NCOA2: variants seen among roughly 807,000 people sequenced by gnomAD.
The protein encoded by NCOA2 is class E basic helix-loop-helix protein 75.
A neutral mutation model predicts 145.1 loss-of-function variants in NCOA2; 21 were observed. That is an observed-to-expected ratio of 0.14 (90% confidence interval 0.10 to 0.21). NCOA2 has a LOEUF of 0.21. NCOA2 is among the 10% of genes least tolerant of loss of function. The probability of loss-of-function intolerance (pLI) is 1.00; values close to 1 mark genes in which losing one functional copy is unlikely to be tolerated. For synonymous variants in NCOA2, 619 were observed against 637.5 expected, an observed-to-expected ratio of 0.97 and a Z score of 0.44; for missense variants, 1,472 against 1,837.6, an observed-to-expected ratio of 0.80 and a Z score of 3.64.
intron 6 of NCOA2, among the ~76,000 whole-genome samples, chr8:70,168,068 T>C (rs537112816): frequency 2.6e-5 from 4 of 152,260 alleles, no homozygotes; most frequent in African/African-American, 9.6e-5. Flanking sequence ...AGAAAACTAA[T>C]ATATTCTCCA....
chr8:70,139,026 C>T (rs553754869), intron 14 of NCOA2, among the ~76,000 whole-genome samples: 2 of 152,364 alleles, frequency 1.3e-5, no homozygotes, highest in African/African-American at 4.8e-5. Flanking sequence ...AGACTGCTGG[C>T]TCCTGAACGT....
the NCOA2 span, among the ~76,000 whole-genome samples, chr8:70,433,655 G>C: frequency 6.6e-6 from 1 of 152,196 alleles, no homozygotes; most frequent in African/African-American, 2.4e-5. Flanking sequence ...GAAGTGATAA[G>C]ACTGTGAATT....
At chr8:70,189,804 T>C (rs1816481499) in intron 4 of NCOA2, among the ~76,000 whole-genome samples, 2 of 152,258 alleles carry the variant, frequency 1.3e-5, no homozygotes, top group Middle Eastern at 3.4e-3. Context: ...TAGGGATTTA[T>C]GAACAAAAGA....
chr8:70,222,600 T>A (rs927025806), intron 2 of NCOA2, among the ~76,000 whole-genome samples: 5 of 152,210 alleles, frequency 3.3e-5, no homozygotes, highest in African/African-American at 1.2e-4. Flanking sequence ...ACTCATGAAT[T>A]TTTTAGCTGA....
chr8:70,369,302 T>C lies in NCOA2; in HGVS notation c.-77+34398A>G, dbSNP rs546800766. ...TTAAGGAAGGCTGTAGTACAATTGG[T>C]TCTTTTATAAAATTGAGAGACACCA... is the stretch of plus-strand genomic sequence containing the variant. On this transcript the variant is annotated intron_variant, in intron 1 of 22. Coordinates refer to ENST00000452400, the MANE Select transcript of NCOA2 (RefSeq NM_006540.4). Among the ~76,000 whole-genome samples, 8 of 152,356 alleles carry C rather than the reference T, an allele frequency of 5.3e-5. No individual in the cohort carries two copies. The East Asian group carries it at 1.5e-3, about 29-fold the overall frequency.
chr8:70,155,924 G>C, intron 11 of NCOA2, 47 bp downstream of exon 11: 4 of 1,444,932 alleles, frequency 2.8e-6, no homozygotes, highest in Non-Finnish European at 3.7e-6. Flanking sequence ...GAAAATCCTT[G>C]ATGGATACAG....
At chr8:70,410,202 T>TC in the NCOA2 span, among the ~76,000 whole-genome samples, 3 of 151,928 alleles carry the variant, frequency 2.0e-5, no homozygotes, top group Non-Finnish European at 4.4e-5. Flanking sequence ...AGAGTGAGAT[T>TC]CTTGTCCAAA....
intron 22 of NCOA2, among the ~76,000 whole-genome samples, chr8:70,117,529 C>T (rs1807279162): frequency 6.6e-6 from 1 of 152,214 alleles, no homozygotes; most frequent in Non-Finnish European, 1.5e-5. Context: ...CAATATCTTT[C>T]TTGTCCCTTC....
At chr8:70,171,492 G>A (rs1054627728) in intron 5 of NCOA2, among the ~76,000 whole-genome samples, 1 of 152,112 alleles carries the variant, frequency 6.6e-6, no homozygotes, top group Non-Finnish European at 1.5e-5. Flanking sequence ...AATGTTGGGG[G>A]TTTAGTTTCT....
Position 70,110,437 on chromosome 8 carries a change from C to T in NCOA2, c.*3195G>A, listed in dbSNP as rs1436996353. The T allele has an allele frequency of 5.1e-6, 1 of 195,702 alleles. No individual in the cohort carries two copies. Among genetic ancestry groups the T allele is most frequent in the African/African-American group, 2.3e-5 (1 of 43,238 alleles). The allele number at this position is 195,702 out of a possible 1,614,324, so 12.1% of individuals were successfully genotyped here. A position where few individuals can be genotyped will look rare whatever the true frequency, so the allele number is the denominator to read the frequency against. ...TTTGCTTTAGTCTATAAAGAAACAC[C>T]AGGGAGAAAATTCTAATTAAAATCG... On this transcript the variant is annotated 3_prime_UTR_variant, in exon 23 of 23. Transcript: ENST00000452400.
At chr8:70,130,880 C>T (rs1309682592) in intron 16 of NCOA2, among the ~76,000 whole-genome samples, 1 of 152,186 alleles carries the variant, frequency 6.6e-6, no homozygotes, top group Non-Finnish European at 1.5e-5. Context: ...AGCCAGGCTG[C>T]ACTGCTTCAC....
At chr8:70,382,416 G>A (rs1000247593) in intron 1 of NCOA2, among the ~76,000 whole-genome samples, 4 of 152,058 alleles carry the variant, frequency 2.6e-5, no homozygotes, top group East Asian at 3.9e-4. Flanking sequence ...TTAAAATGTC[G>A]TTTCCACAAG....
chr8:70,434,791 G>T, the NCOA2 span, among the ~76,000 whole-genome samples: 1 of 152,008 alleles, frequency 6.6e-6, no homozygotes, highest in Admixed American at 6.6e-5. Context: ...GCCTGGTCTT[G>T]AACTCCTGGG....
intron 1 of NCOA2, among the ~76,000 whole-genome samples, chr8:70,329,613 G>A (rs1344661178): frequency 6.6e-6 from 1 of 152,016 alleles, no homozygotes; most frequent in African/African-American, 2.4e-5. Flanking sequence ...AACACAAATA[G>A]GAATGTTCAC....
chr8:70,233,010 A>G (rs1821275172), intron 2 of NCOA2, among the ~76,000 whole-genome samples: 1 of 152,142 alleles, frequency 6.6e-6, no homozygotes, highest in Non-Finnish European at 1.5e-5. Context: ...GCAGATCACA[A>G]GGTCAAGAGA....
At chr8:70,171,164 C>T (rs1055060817) in intron 5 of NCOA2, among the ~76,000 whole-genome samples, 7 of 152,152 alleles carry the variant, frequency 4.6e-5, no homozygotes, top group African/African-American at 1.4e-4. Context: ...GTCATCCCAA[C>T]GGAGGTAAGG....
chr8:70,230,311 G>A (rs1821023831), intron 2 of NCOA2, among the ~76,000 whole-genome samples: 1 of 152,226 alleles, frequency 6.6e-6, no homozygotes, highest in South Asian at 2.1e-4. Context: ...TGGCTGCCAA[G>A]GGCTGGAGGG....
the NCOA2 span, among the ~76,000 whole-genome samples, chr8:70,442,874 T>A: frequency 6.6e-6 from 1 of 152,184 alleles, no homozygotes; most frequent in African/African-American, 2.4e-5. Flanking sequence ...TGATCAGAGA[T>A]AGGATTCCAA....
At chr8:70,146,302 GAATT>G (rs1811057518) in intron 12 of NCOA2, among the ~76,000 whole-genome samples, 2 of 152,138 alleles carry the variant, frequency 1.3e-5, no homozygotes, top group African/African-American at 4.8e-5. Flanking sequence ...TAGTTGACAA[GAATT>G]TATTGTGTAC....
Sources: gnomAD v4.1 joint callset for allele counts (sites outside exome capture counted in the v4.1 genomes callset) on GRCh38, gnomAD v4.1.1 for gene constraint, MANE v1.5 for transcripts, NCBI Gene and HGNC (gene_info 2026-07-23, HGNC 2026-07-21) for gene names.